The following GABBR2 variants were observed in gnomAD, a reference collection of about 807,000 sequenced individuals.
The protein encoded by GABBR2 is gamma-aminobutyric acid type B receptor subunit 2.
In GABBR2, 23 loss-of-function variants were observed where a neutral mutation model predicts 105.6. The ratio of observed to expected loss-of-function variants is 0.22; its 90% CI spans 0.16 to 0.31. The LOEUF (loss-of-function observed/expected upper bound fraction) is 0.31. Ranked by LOEUF, GABBR2 falls within the 10% of genes least tolerant of loss-of-function variation. The probability of loss-of-function intolerance (pLI) is 1.00; values close to 1 mark genes in which losing one functional copy is unlikely to be tolerated. For missense variants in GABBR2, 734 were observed against 1,245.5 expected (o/e 0.59, Z 6.18); for synonymous variants, 478 against 499.7 (o/e 0.96, Z 0.58).
At chr9:98,560,384 C>T (rs2778901) in intron 2 of GABBR2, among the ~76,000 whole-genome samples, 42,953 of 151,084 alleles carry the variant, frequency 0.28, 7,165 homozygotes, top group East Asian at 0.49. Context: ...AGCACACGTG[C>T]GTGTGCGCAT....
At chr9:98,608,980 T>C (rs1829468459) in intron 1 of GABBR2, among the ~76,000 whole-genome samples, 1 of 152,234 alleles carries the variant, frequency 6.6e-6, no homozygotes, top group Non-Finnish European at 1.5e-5. Context: ...CCAACCTGTT[T>C]CTACCTATAT....
chr9:98,493,476 AT>A (rs1417081465), intron 4 of GABBR2, among the ~76,000 whole-genome samples: 19 of 152,272 alleles, frequency 1.2e-4, no homozygotes, highest in South Asian at 4.1e-4. Context: ...CACAACTGTT[AT>A]CCTTTATCTC....
At chr9:98,444,901 G>GCA (rs1192931390) in intron 7 of GABBR2, among the ~76,000 whole-genome samples, 7 of 148,856 alleles carry the variant, frequency 4.7e-5, no homozygotes, top group Non-Finnish European at 1.0e-4. Flanking sequence ...ACACACACAC[G>GCA]CACGTGACCT....
chr9:98,664,319 T>C (rs907031012), intron 1 of GABBR2, among the ~76,000 whole-genome samples: 3 of 152,206 alleles, frequency 2.0e-5, no homozygotes, highest in African/African-American at 7.2e-5. Context: ...TCCACCAGCC[T>C]AGCCTCTTCA....
intron 7 of GABBR2, among the ~76,000 whole-genome samples, chr9:98,453,237 G>A (rs1826264285): frequency 6.6e-6 from 1 of 152,200 alleles, no homozygotes; most frequent in East Asian, 1.9e-4. Context: ...TGTTGGTCAG[G>A]CTGCTCTCGA....
intron 8 of GABBR2, among the ~76,000 whole-genome samples, chr9:98,397,670 T>C (rs1233123614): frequency 6.6e-6 from 1 of 152,160 alleles, no homozygotes; most frequent in African/African-American, 2.4e-5. Flanking sequence ...ACTTGGGAGG[T>C]GGCTTTCCCT....
intron 7 of GABBR2, among the ~76,000 whole-genome samples, chr9:98,427,504 A>C (rs1825718812): frequency 6.6e-6 from 1 of 152,204 alleles, no homozygotes; most frequent in Non-Finnish European, 1.5e-5. Context: ...TATGTCAGCC[A>C]GGGTCTTTGA....
intron 3 of GABBR2, among the ~76,000 whole-genome samples, chr9:98,532,573 G>T (rs1828087492): frequency 6.6e-6 from 1 of 152,166 alleles, no homozygotes; most frequent in African/African-American, 2.4e-5. Flanking sequence ...AAGTGTGCTT[G>T]GCCTTGTTCT....
intron 3 of GABBR2, among the ~76,000 whole-genome samples, chr9:98,521,437 C>T (rs1292911763): frequency 1.3e-5 from 2 of 152,132 alleles, no homozygotes; most frequent in South Asian, 4.1e-4. Flanking sequence ...AAGGAGTCCA[C>T]CTATCACCCT....
At chr9:98,381,655 G>C (rs528232876) in intron 11 of GABBR2, among the ~76,000 whole-genome samples, 1 of 152,320 alleles carries the variant, frequency 6.6e-6, no homozygotes, top group East Asian at 1.9e-4. Flanking sequence ...CCACAGTCAT[G>C]CATGTGGACT....
At chr9:98,359,497 G>T (rs1564030491) in intron 13 of GABBR2, among the ~76,000 whole-genome samples, 1 of 152,166 alleles carries the variant, frequency 6.6e-6, no homozygotes, top group Admixed American at 6.5e-5. Context: ...AAGGATGGGG[G>T]ACTGGGCTGC....
At chr9:98,699,711 G>T (rs1421469651) in intron 1 of GABBR2, among the ~76,000 whole-genome samples, 1 of 152,002 alleles carries the variant, frequency 6.6e-6, no homozygotes, top group Admixed American at 6.6e-5. Flanking sequence ...ACTTCCCTGT[G>T]GTCTCAGCAA....
chr9:98,625,251 C>T (rs1020639130), intron 1 of GABBR2, among the ~76,000 whole-genome samples: 3 of 152,236 alleles, frequency 2.0e-5, no homozygotes, highest in African/African-American at 7.2e-5. Flanking sequence ...TGCCCTACTC[C>T]CACATTTACT....
rs139223745 is a variant in GABBR2, at chr9:98,655,147, G to A, written c.321+53270C>T. 2.9e-3 allele frequency among the ~76,000 whole-genome samples: 438 copies of A among 152,292 alleles called. 3 individuals carry two copies. Among genetic ancestry groups the A allele is most frequent in the African/African-American group, 9.8e-3 (407 of 41,552 alleles). ...AAGCTATTCTATGTAATATGGTAAT[G>A]GTGAATGCCTGTCATTATGCATTTG... On this transcript the variant is annotated intron_variant, in intron 1 of 18. Coordinates refer to ENST00000259455, the MANE Select transcript of GABBR2 (RefSeq NM_005458.8).
intron 12 of GABBR2, among the ~76,000 whole-genome samples, chr9:98,366,282 G>T (rs562575703): frequency 6.6e-6 from 1 of 152,260 alleles, no homozygotes; most frequent in African/African-American, 2.4e-5. Context: ...TACTGACTTG[G>T]CCCACCATCT....
At chr9:98,368,952 G>A (rs959018896) in intron 12 of GABBR2, among the ~76,000 whole-genome samples, 1 of 152,198 alleles carries the variant, frequency 6.6e-6, no homozygotes, top group Non-Finnish European at 1.5e-5. Flanking sequence ...AGCTTGCAGG[G>A]CAGCCGCACT....
intron 6 of GABBR2, among the ~76,000 whole-genome samples, chr9:98,459,764 G>A (rs745546926): frequency 2.6e-5 from 4 of 152,220 alleles, no homozygotes; most frequent in Middle Eastern, 3.2e-3. Flanking sequence ...GAACATTGAA[G>A]GGTCAAACAC....
chr9:98,466,039 C>G (rs1176718272), intron 6 of GABBR2, among the ~76,000 whole-genome samples: 1 of 152,202 alleles, frequency 6.6e-6, no homozygotes, highest in Non-Finnish European at 1.5e-5. Flanking sequence ...CCCCTTTGCT[C>G]TCTTCCTCCT....
intron 1 of GABBR2, among the ~76,000 whole-genome samples, chr9:98,584,926 G>C (rs73494498): frequency 0.07 from 10,704 of 152,282 alleles, 393 homozygotes; most frequent in African/African-American, 0.093. Flanking sequence ...TCCTCGGCCA[G>C]CTCTGCTTCT....
Sources: gnomAD v4.1 joint callset for allele counts (sites outside exome capture counted in the v4.1 genomes callset) on GRCh38, gnomAD v4.1.1 for gene constraint, MANE v1.5 for transcripts, NCBI Gene and HGNC (gene_info 2026-07-23, HGNC 2026-07-21) for gene names.